GLRA1: variants seen among roughly 807,000 people sequenced by gnomAD.
GLRA1 encodes the protein glycine receptor alpha 1.
In GLRA1, 37 loss-of-function variants were observed where a neutral mutation model predicts 48.3. The ratio of observed to expected loss-of-function variants is 0.77; its 90% CI spans 0.59 to 1.01. GLRA1 has a LOEUF of 1.01. Ranked by LOEUF, GLRA1 falls within the 50% of genes least tolerant of loss-of-function variation. The pLI, the probability that GLRA1 is intolerant of heterozygous loss-of-function variation, is 0.00. For synonymous variants in GLRA1, 196 were observed against 210.7 expected (o/e 0.93, Z 0.60); for missense variants, 427 against 571.0 (o/e 0.75, Z 2.57).
intron 1 of GLRA1, among the ~76,000 whole-genome samples, chr5:151,902,201 G>A (rs901250049): frequency 5.9e-5 from 9 of 152,178 alleles, no homozygotes; most frequent in African/African-American, 1.4e-4. Flanking sequence ...TCATACCAGC[G>A]CTGTGACAAC....
intron 1 of GLRA1, among the ~76,000 whole-genome samples, chr5:151,899,363 A>G (rs1217733738): frequency 6.6e-6 from 1 of 152,176 alleles, no homozygotes; most frequent in African/African-American, 2.4e-5. Context: ...AGAAAGACCC[A>G]ATATTTGCCA....
At chr5:151,873,884 G>A (rs1362624039) in intron 3 of GLRA1, among the ~76,000 whole-genome samples, 3 of 152,138 alleles carry the variant, frequency 2.0e-5, no homozygotes, top group Non-Finnish European at 2.9e-5. Context: ...GGTATATTGC[G>A]TAATGCTGGA....
At chr5:151,905,888 A>G (rs1473421447) in intron 1 of GLRA1, among the ~76,000 whole-genome samples, 4 of 152,316 alleles carry the variant, frequency 2.6e-5, no homozygotes, top group East Asian at 1.9e-4. Flanking sequence ...CAGAAGCCCA[A>G]CATTGCTTCG....
intron 8 of GLRA1, among the ~76,000 whole-genome samples, chr5:151,823,677 T>C (rs768712938): frequency 6.6e-6 from 1 of 152,214 alleles, no homozygotes; most frequent in Non-Finnish European, 1.5e-5. Context: ...TTCAAGACCC[T>C]TCATCATTTG....
At chr5:151,860,109 A>T (rs1464660473) in intron 3 of GLRA1, 101 bp from the exon 4 acceptor site, 3 of 814,226 alleles carry the variant, frequency 3.7e-6, no homozygotes. Flanking sequence ...TTTCTGGAGG[A>T]TGTTATTAAG....
intron 7 of GLRA1, chr5:151,850,940 C>A (rs1444940625): frequency 2.0e-6 from 1 of 501,558 alleles, no homozygotes; most frequent in Non-Finnish European, 3.6e-6. Context: ...ATAAATAAAT[C>A]TTAGCTGCAA....
chr5:151,911,528 G>T (rs1207656398), intron 1 of GLRA1, among the ~76,000 whole-genome samples: 1 of 151,104 alleles, frequency 6.6e-6, no homozygotes, highest in African/African-American at 2.4e-5. Context: ...AAATAATCTT[G>T]CTCCAAGGCA....
intron 3 of GLRA1, among the ~76,000 whole-genome samples, chr5:151,869,263 C>A (rs112939163): frequency 0.047 from 7,208 of 151,954 alleles, 598 homozygotes; most frequent in African/African-American, 0.16. Context: ...ACCACCATGC[C>A]TGGCTAATTT....
chr5:151,854,774 C>T (rs911980643), intron 6 of GLRA1, among the ~76,000 whole-genome samples: 1 of 152,180 alleles, frequency 6.6e-6, no homozygotes, highest in Non-Finnish European at 1.5e-5. Flanking sequence ...TTTACTTCTG[C>T]CTTAGAAATA....
chr5:151,876,370 G>A (rs1437708053), intron 3 of GLRA1, among the ~76,000 whole-genome samples: 1 of 152,062 alleles, frequency 6.6e-6, no homozygotes, highest in East Asian at 1.9e-4. Flanking sequence ...CCAGATTGCT[G>A]CTTTAGTAAA....
intron 3 of GLRA1, among the ~76,000 whole-genome samples, chr5:151,860,889 A>G (rs2113361231): frequency 6.6e-6 from 1 of 152,048 alleles, no homozygotes. Flanking sequence ...CCCTCACCCC[A>G]CGACAGGCCC....
intron 3 of GLRA1, among the ~76,000 whole-genome samples, chr5:151,873,639 C>T (rs1172413955): frequency 6.7e-6 from 1 of 148,704 alleles, no homozygotes; most frequent in Non-Finnish European, 1.5e-5. Context: ...GCACTCCAAC[C>T]TGGGTGACAG....
chr5:151,833,745 G>A lies in GLRA1; in HGVS notation c.913-4678C>T, dbSNP rs955648473. ...CCCAGCGTGCTGGGATTATAGGCAT[G>A]AGCAATCGTGTCTGGCAGGATGGAG... On this transcript the variant is annotated intron_variant, in intron 7 of 8. Transcript: ENST00000274576. 1.4e-4 allele frequency among the ~76,000 whole-genome samples: 19 copies of A among 138,294 alleles called. No homozygotes were observed. In the South Asian group the frequency reaches 4.4e-3, roughly 32 times the overall value. 90.7% of individuals were successfully genotyped at this position (138,294 alleles called of 152,430 possible).
chr5:151,914,809 C>T (rs187183828), intron 1 of GLRA1, among the ~76,000 whole-genome samples: 4 of 152,236 alleles, frequency 2.6e-5, no homozygotes, highest in Admixed American at 1.3e-4. Flanking sequence ...ATTGAGAGCT[C>T]GTATCTACTT....
intron 1 of GLRA1, among the ~76,000 whole-genome samples, chr5:151,919,048 A>C (rs1405468939): frequency 1.3e-5 from 2 of 152,246 alleles, no homozygotes; most frequent in Non-Finnish European, 2.9e-5. Flanking sequence ...AACATTTCAA[A>C]GGCTCTAACA....
At chr5:151,881,588 G>C (rs1483313432) in intron 3 of GLRA1, among the ~76,000 whole-genome samples, 1 of 150,264 alleles carries the variant, frequency 6.7e-6, no homozygotes, top group Non-Finnish European at 1.5e-5. Context: ...TGCGCACCTT[G>C]GCCTCCCAAA....
chr5:151,825,902 A>G (rs1226224299), intron 8 of GLRA1, among the ~76,000 whole-genome samples: 1 of 152,222 alleles, frequency 6.6e-6, no homozygotes, highest in Non-Finnish European at 1.5e-5. Flanking sequence ...GTTTCTGCAG[A>G]AGAAGCTTGT....
At position 151,855,152 on chromosome 5, in the gene GLRA1, G is replaced by T. The variant is rs370809444; in HGVS notation, c.585C>A (p.Ile195=). 6.2e-7 allele frequency: 1 copy of T among 1,614,020 alleles called. No individual in the cohort carries two copies. The highest frequency in any genetic ancestry group is 1.7e-5 in the Admixed American group (1 of 60,010). Residue 195 remains isoleucine (I), a synonymous_variant, in exon 6 of 9, where the codon ATC becomes ATA. Transcript: ENST00000274576. ...ESFGYTMNDL[I]FEWQEQGAVQ... The stretch of plus-strand genomic sequence containing the variant: ...CGGCTCCCTGTTCCTGCCACTCAAA[G>T]ATGAGGTCATTCATCGTATATCCAA...
At chr5:151,831,427 G>T (rs368278997) in intron 7 of GLRA1, among the ~76,000 whole-genome samples, 2 of 152,346 alleles carry the variant, frequency 1.3e-5, no homozygotes, top group East Asian at 3.9e-4. Context: ...CAGCACAGCA[G>T]TCTGAAGTTG....
Sources: allele counts gnomAD v4.1 joint callset (sites outside exome capture counted in the v4.1 genomes callset), GRCh38; gene constraint gnomAD v4.1.1; transcripts MANE v1.5; gene names NCBI Gene and HGNC (gene_info 2026-07-23, HGNC 2026-07-21).